Variants in OPLAH observed in about 807,000 individuals in gnomAD.
OPLAH encodes the protein 5-oxoprolinase, ATP-hydrolysing.
OPLAH carries 103 observed loss-of-function variants against 122.8 expected under a neutral mutation model. That is an observed-to-expected ratio of 0.84 (90% CI 0.71 to 0.99). OPLAH has a LOEUF of 0.99. OPLAH is among the 50% of genes least tolerant of loss of function. The pLI, the probability that OPLAH is intolerant of heterozygous loss-of-function variation, is 0.00. For synonymous variants in OPLAH, 875 were observed against 796.0 expected (o/e 1.10, Z -1.67); for missense variants, 1,902 against 1,836.5 (o/e 1.04, Z -0.65).
chr8:144,059,139 T>C (rs1835606855), intron 3 of OPLAH, 60 bp from the exon 4 acceptor site: 2 of 1,347,088 alleles, frequency 1.5e-6, no homozygotes, highest in Non-Finnish European at 2.1e-6. Flanking sequence ...CGGGGTCCTG[T>C]GTGAGTGGGT....
Position 144,055,208 on chromosome 8 carries a change from C to A in OPLAH, c.2249-19G>T. The A allele has an allele frequency of 6.7e-7, 1 of 1,497,084 alleles. No individual in the cohort carries two copies. Among genetic ancestry groups the A allele is most frequent in the Non-Finnish European group, 8.9e-7 (1 of 1,124,032 alleles). The allele number at this position is 1,497,084 out of a possible 1,614,324, so 92.7% of individuals were successfully genotyped here. A position where few individuals can be genotyped will look rare whatever the true frequency, so the allele number is the denominator to read the frequency against. The stretch of plus-strand genomic sequence containing the variant: ...ATCTGCTCTAGGAGCACAAAGTGAC[C>A]AGGCCCGCTGGCCCCACCCACCCAC... On this transcript the variant is annotated intron_variant, in intron 16 of 26. Coordinates refer to ENST00000618853, the MANE Select transcript of OPLAH (RefSeq NM_017570.5). This position sits in a 1 kb window ranked among gnomAD's most constrained non-coding sequence, Gnocchi z 6.5.
chr8:144,058,123 A>T lies in OPLAH; in HGVS notation c.975T>A (p.Tyr325Ter), dbSNP rs782469812. The T allele has an allele frequency of 1.1e-5, 17 of 1,612,480 alleles. No individual in the cohort carries two copies. The highest frequency in any genetic ancestry group is 1.4e-5 in the Non-Finnish European group (17 of 1,179,804). Residue 325 changes from tyrosine (Y) to a stop codon, truncating the protein, a stop_gained, in exon 8 of 27, where the codon TAT becomes TAA. Transcript: ENST00000618853. LOFTEE classifies it high-confidence loss of function. Reference sequence around the variant, plus strand: ...CGAAGACGTGCTCGAATTCCCCAGCATAGCGGCTCACATCCGTGGACGTGC... The same window carrying T: ...CGAAGACGTGCTCGAATTCCCCAGCTTAGCGGCTCACATCCGTGGACGTGC... ...MGGTSTDVSR[Y>*]AGEFEHVFEA...
chr8:144,050,531 C>T (rs1382186940), downstream of OPLAH: 3 of 985,642 alleles, frequency 3.0e-6, no homozygotes, highest in South Asian at 4.7e-5. Flanking sequence ...GCCCGCCTCT[C>T]TCTGCAGACC....
At chr8:144,052,117 G>C in intron 24 of OPLAH, 41 bp from the exon 25 acceptor site, 2 of 1,551,954 alleles carry the variant, frequency 1.3e-6, no homozygotes, top group African/African-American at 2.8e-5. Context: ...AGCGTGGCCC[G>C]AGCCCCGGCT....
At chr8:144,056,056 G>A (rs1835505424) in intron 15 of OPLAH, 91 bp downstream of exon 15, 2 of 1,520,478 alleles carry the variant, frequency 1.3e-6, no homozygotes, top group East Asian at 4.6e-5. Flanking sequence ...GAGTCCTGCA[G>A]GCCCCTGCAG....
At position 144,055,680 on chromosome 8, in the gene OPLAH, T is replaced by C; in HGVS notation, c.2248+108A>G. 2 of 1,337,414 alleles carry C rather than the reference T, an allele frequency of 1.5e-6. No individual in the cohort carries two copies. The highest frequency in any genetic ancestry group is 2.0e-6 in the Non-Finnish European group (2 of 1,024,152). 82.8% of individuals were successfully genotyped at this position (1,337,414 alleles called of 1,614,324 possible). A position where few individuals can be genotyped will look rare whatever the true frequency, so the allele number is the denominator to read the frequency against. ...TGCTGCGGCCACACTGCCCGCCCCG[T>C]CGCCAGGGGGTCCTGCTTCTGCCTC... is the stretch of plus-strand genomic sequence containing the variant. On this transcript the variant is annotated intron_variant, in intron 16 of 26. Transcript: ENST00000618853. The surrounding 1 kb of genome is among the most constrained non-coding windows in gnomAD (Gnocchi z 6.5).
chr8:144,059,825 CG>C, intron 2 of OPLAH, 35 bp from the exon 3 acceptor site: 1 of 1,610,962 alleles, frequency 6.2e-7, no homozygotes. Context: ...GGCTTCTGGC[CG>C]TGGGGTCCCT....
downstream of OPLAH, chr8:144,050,546 G>T (rs1185627077): frequency 1.2e-5 from 12 of 985,676 alleles, no homozygotes; most frequent in African/African-American, 2.1e-4. Flanking sequence ...CAGACCACCG[G>T]CTAGAGCAGG....
chr8:144,051,255 G>A (rs1282532968), downstream of OPLAH: 3 of 1,592,662 alleles, frequency 1.9e-6, no homozygotes, highest in Non-Finnish European at 2.6e-6. Context: ...GACACGACTC[G>A]GAGCACGAAC....
chr8:144,051,918 T>C lies in OPLAH; in HGVS notation c.3620A>G (p.His1207Arg). The stretch of plus-strand genomic sequence containing the variant: ...GCGAGGGCTGGGGAACCGCGCACCG[T>C]GGAGCCCGTATGGCCGGAAGGCGCG... ...ERRAFRPYGL[H>R]GGEPGARGLN... The change falls in exon 25 of 27, where the codon CAC becomes CGC. Residue 1207 changes from histidine (H) to arginine (R), a missense_variant and splice_region_variant. By Grantham distance (29) the His-to-Arg change is conservative. This residue lies in a region of OPLAH where 1,726 missense variants were observed against 1,642.1 expected (regional missense o/e 1.05). Transcript: ENST00000618853. 7.2e-6 allele frequency: 11 copies of C among 1,532,976 alleles called. No individual in the cohort carries two copies. The highest frequency in any genetic ancestry group is 8.7e-6 in the Non-Finnish European group (10 of 1,146,206). 95.0% of individuals were successfully genotyped at this position (1,532,976 alleles called of 1,614,324 possible). A position where few individuals can be genotyped will look rare whatever the true frequency, so the allele number is the denominator to read the frequency against.
At position 144,055,996 on chromosome 8, in the gene OPLAH, G is replaced by T; in HGVS notation, c.2097-57C>A. ...GGGCCAGGCGACACCCCTCCAACCAGAGATGCCACGGCCCCAGGCCAGGGG... is the reference window on the plus strand; with the variant it reads ...GGGCCAGGCGACACCCCTCCAACCATAGATGCCACGGCCCCAGGCCAGGGG... On this transcript the variant is annotated intron_variant, in intron 15 of 26. Coordinates refer to ENST00000618853, the MANE Select transcript of OPLAH (RefSeq NM_017570.5). The surrounding 1 kb of genome is among the most constrained non-coding windows in gnomAD (Gnocchi z 6.5). The T allele has an allele frequency of 6.7e-7, 1 of 1,500,782 alleles. No individual in the cohort carries two copies. The highest frequency in any genetic ancestry group is 1.3e-5 in the South Asian group (1 of 77,024). 93.0% of individuals were successfully genotyped at this position (1,500,782 alleles called of 1,614,324 possible).
Position 144,058,493 on chromosome 8 carries a change from C to T in OPLAH, c.783+3G>A, listed in dbSNP as rs781882806. 2.5e-6 allele frequency: 4 copies of T among 1,578,422 alleles called. 1 individual carries two copies. The highest frequency in any genetic ancestry group is 2.3e-5 in the South Asian group (2 of 88,448). Reference sequence around the variant, plus strand: ...GGGCAGTGGGGGTGCCTCACAGCCTCACCTTGAGTTGGCCCTGGAAGCCAC... The same window carrying T: ...GGGCAGTGGGGGTGCCTCACAGCCTTACCTTGAGTTGGCCCTGGAAGCCAC... On this transcript the variant is annotated splice_donor_region_variant and intron_variant, in intron 6 of 26. Coordinates refer to ENST00000618853, the MANE Select transcript of OPLAH (RefSeq NM_017570.5).
In OPLAH at chr8:144,056,758, G is replaced by A; in HGVS notation, c.1707-3C>T. 2 of 1,600,168 alleles carry A rather than the reference G, an allele frequency of 1.2e-6. No homozygotes were observed. The highest frequency in any genetic ancestry group is 8.5e-7 in the Non-Finnish European group (1 of 1,172,198). The stretch of plus-strand genomic sequence containing the variant: ...AGCTCTCAGTGCTGATCTGGGACCT[G>A]CAGCAGGTGGTTGGGGGCACTCACA... On this transcript the variant is annotated splice_region_variant and splice_polypyrimidine_tract_variant and intron_variant, in intron 12 of 26. Coordinates refer to ENST00000618853, the MANE Select transcript of OPLAH (RefSeq NM_017570.5).
Position 144,056,759 on chromosome 8 carries a change from C to A in OPLAH, c.1707-4G>T, listed in dbSNP as rs782566081. 18 of 1,600,164 alleles carry A rather than the reference C, an allele frequency of 1.1e-5. No homozygotes were observed. Among genetic ancestry groups the A allele is most frequent in the Admixed American group, 1.7e-5 (1 of 59,242 alleles). On this transcript the variant is annotated splice_region_variant and splice_polypyrimidine_tract_variant and intron_variant, in intron 12 of 26. Transcript: ENST00000618853. ...GCTCTCAGTGCTGATCTGGGACCTG[C>A]AGCAGGTGGTTGGGGGCACTCACAC...
rs1554758010 is a variant in OPLAH, at chr8:144,052,761, C to A, written c.3153+5G>T. ...GCCCCCCCTCGCGCACACACCCCTG[C>A]GAACCTGGTTGAGTGGGATGTCGCG... On this transcript the variant is annotated splice_donor_5th_base_variant and intron_variant, in intron 22 of 26. Transcript: ENST00000618853. The A allele has an allele frequency of 1.3e-6, 2 of 1,564,982 alleles. No individual in the cohort carries two copies. The highest frequency in any genetic ancestry group is 1.4e-5 in the African/African-American group (1 of 73,558).
Position 144,056,458 on chromosome 8 carries a change from C to G in OPLAH, c.1910G>C (p.Arg637Pro). The G allele has an allele frequency of 6.2e-7, 1 of 1,611,138 alleles. No individual in the cohort carries two copies. Among genetic ancestry groups the G allele is most frequent in the Middle Eastern group, 1.7e-4 (1 of 6,056 alleles). Residue 637 changes from arginine (R) to proline (P), a missense_variant, in exon 14 of 27, where the codon CGG becomes CCG. Transcript: ENST00000618853. ...GCGAAGACCACTGCGGCCGGTGCCC[C>G]GCACTCGCACATCGTCCACGACCAC... ...RPVVVDDVRV[R>P]GTGRSGLRLE...
At position 144,056,686 on chromosome 8, in the gene OPLAH, A is replaced by G; in HGVS notation, c.1776T>C (p.Ser592=). 6.2e-7 allele frequency: 1 copy of G among 1,611,740 alleles called. No homozygotes were observed. Among genetic ancestry groups the G allele is most frequent in the Non-Finnish European group, 8.5e-7 (1 of 1,179,612 alleles). Residue 592 remains serine (S), a synonymous_variant, in exon 13 of 27, where the codon TCT becomes TCC. Transcript: ENST00000618853. ...GGGCTGTGGCTGGGTGCTGGTGGGC[A>G]GACACCATCAGAGCACAGTCCGTGC... The part of the protein sequence containing the change: ...YQGTDCALMV[S]AHQHPATARS...
upstream of OPLAH, among the ~76,000 whole-genome samples, chr8:144,061,651 A>C (rs1438458167): frequency 1.3e-5 from 2 of 152,266 alleles, no homozygotes; most frequent in Non-Finnish European, 2.9e-5. Context: ...AACGGCACGA[A>C]GTTACCCTAT....
chr8:144,052,602 T>C lies in OPLAH; in HGVS notation c.3154-4A>G. 6.3e-7 allele frequency: 1 copy of C among 1,590,720 alleles called. No individual in the cohort carries two copies. Among genetic ancestry groups the C allele is most frequent in the Non-Finnish European group, 8.5e-7 (1 of 1,174,000 alleles). The stretch of plus-strand genomic sequence containing the variant: ...CGCGCACTGGCGCCAGGCAGCCCTG[T>C]GCGGGGCGGGCGGCTCTCAGGAGCT... On this transcript the variant is annotated splice_polypyrimidine_tract_variant and splice_region_variant and intron_variant, in intron 22 of 26. Transcript: ENST00000618853.
Sources: allele counts gnomAD v4.1 joint callset (sites outside exome capture counted in the v4.1 genomes callset), GRCh38; gene constraint gnomAD v4.1.1; regional missense constraint gnomAD v4.1.1; non-coding constraint Gnocchi (gnomAD v3.1); transcripts MANE v1.5; gene names NCBI Gene and HGNC (gene_info 2026-07-23, HGNC 2026-07-21).